The following MED13 variants were observed in gnomAD, a reference collection of about 807,000 sequenced individuals.
MED13 encodes the protein mediator of RNA polymerase II transcription subunit 13.
A neutral mutation model predicts 225.2 loss-of-function variants in MED13; 23 were observed. The observed-to-expected ratio is 0.10, with a 90% CI of 0.07 to 0.14. The LOEUF is 0.14. Among genes scored for constraint, MED13 ranks in the 10% least tolerant of loss-of-function variants. The probability of loss-of-function intolerance (pLI) is 1.00; values close to 1 mark genes in which losing one functional copy is unlikely to be tolerated. For synonymous variants in MED13, 942 were observed against 889.2 expected (o/e 1.06, Z -1.06); for missense variants, 2,197 against 2,594.5 (o/e 0.85, Z 3.33).
At chr17:62,015,930 A>ATG (rs2080566247) in intron 8 of MED13, among the ~76,000 whole-genome samples, 1 of 6,658 alleles carries the variant, frequency 1.5e-4, no homozygotes, top group Non-Finnish European at 3.8e-4. Context: ...ATATATATAT[A>ATG]TATATATATA....
chr17:62,034,486 C>CAAAA (rs11291859), intron 4 of MED13, among the ~76,000 whole-genome samples: 1 of 96,356 alleles, frequency 1.0e-5, no homozygotes. Context: ...GACTTCATCT[C>CAAAA]AAAAAAAAAA....
intron 8 of MED13, among the ~76,000 whole-genome samples, chr17:62,023,829 C>T (rs2080673367): frequency 6.6e-6 from 1 of 152,060 alleles, no homozygotes; most frequent in African/African-American, 2.4e-5. Flanking sequence ...AAGAAATAAG[C>T]TAGATTTGTG....
chr17:62,032,113 T>C (rs1199951242), intron 5 of MED13, among the ~76,000 whole-genome samples: 1 of 151,786 alleles, frequency 6.6e-6, no homozygotes, highest in Non-Finnish European at 1.5e-5. Context: ...ACTGCTCTAG[T>C]AGTAATGGGT....
At chr17:62,022,349 T>C (rs916432090) in intron 8 of MED13, among the ~76,000 whole-genome samples, 10 of 151,902 alleles carry the variant, frequency 6.6e-5, no homozygotes, top group African/African-American at 2.4e-4. Flanking sequence ...GTTACAGCAG[T>C]ATTACTTTTT....
intron 8 of MED13, among the ~76,000 whole-genome samples, chr17:62,025,104 A>C (rs2080687959): frequency 6.6e-6 from 1 of 152,134 alleles, no homozygotes; most frequent in South Asian, 2.1e-4. Context: ...CTTACATTTA[A>C]GCATTCTTTT....
intron 3 of MED13, among the ~76,000 whole-genome samples, chr17:62,047,452 G>C (rs955923447): frequency 3.9e-5 from 6 of 152,072 alleles, no homozygotes; most frequent in South Asian, 2.1e-4. Flanking sequence ...ACTAACACAA[G>C]AACAGAAAAC....
intron 3 of MED13, among the ~76,000 whole-genome samples, chr17:62,048,383 A>G (rs1046997484): frequency 1.5e-5 from 2 of 137,134 alleles, no homozygotes; most frequent in Non-Finnish European, 3.1e-5. Context: ...CCAGCCTGAC[A>G]GAGTGAGACT....
At chr17:62,001,521 CAT>C in intron 9 of MED13, among the ~76,000 whole-genome samples, 1 of 152,142 alleles carries the variant, frequency 6.6e-6, no homozygotes, top group Non-Finnish European at 1.5e-5. Context: ...ATAGTCCCTC[CAT>C]CATCTCAAGG....
intron 8 of MED13, among the ~76,000 whole-genome samples, chr17:62,016,997 T>C (rs894753956): frequency 6.6e-6 from 1 of 151,168 alleles, no homozygotes; most frequent in African/African-American, 2.4e-5. Context: ...GGTGACAGAA[T>C]GAGACTCCAC....
At chr17:61,963,430 T>C (rs1236096716) in intron 20 of MED13, among the ~76,000 whole-genome samples, 1 of 151,958 alleles carries the variant, frequency 6.6e-6, no homozygotes, top group South Asian at 2.1e-4. Context: ...TTATTTAATG[T>C]TCTAGTACAT....
At chr17:61,981,688 T>C (rs1185508504) in intron 16 of MED13, among the ~76,000 whole-genome samples, 3 of 152,220 alleles carry the variant, frequency 2.0e-5, no homozygotes, top group African/African-American at 7.2e-5. Context: ...TGACCATACA[T>C]CTAAAATAGT....
At chr17:62,063,391 T>G (rs1312335208) in intron 1 of MED13, 90 bp from the exon 2 acceptor site, 2 of 838,752 alleles carry the variant, frequency 2.4e-6, no homozygotes, top group Admixed American at 5.1e-5. Context: ...CATTAAGACA[T>G]TACAATTTTT....
rs1162949815 is a variant in MED13 at position 61,995,106 on chromosome 17, C to A, written c.2181+46G>T. 12 of 1,314,704 alleles carry A rather than the reference C, an allele frequency of 9.1e-6. No individual in the cohort carries two copies. The African/African-American group carries it at 1.7e-4, about 19-fold the overall frequency. The allele number at this position is 1,314,704 out of a possible 1,614,324, so 81.4% of individuals were successfully genotyped here. On this transcript the variant is annotated intron_variant, in intron 10 of 29. Coordinates refer to ENST00000397786, the MANE Select transcript of MED13 (RefSeq NM_005121.3). ...AGTAAGAGTGTTACTATATGCAGTG[C>A]TACAAAATCAACAGTGACCCTTTGG...
At chr17:61,974,779 G>A (rs1205905878) in intron 16 of MED13, among the ~76,000 whole-genome samples, 1 of 151,964 alleles carries the variant, frequency 6.6e-6, no homozygotes, top group Non-Finnish European at 1.5e-5. Flanking sequence ...AAAAAATTCA[G>A]AATGGATCAG....
At chr17:62,029,786 G>A in intron 7 of MED13, 65 bp downstream of exon 7, 1 of 1,524,710 alleles carries the variant, frequency 6.6e-7, no homozygotes, top group East Asian at 2.3e-5. Context: ...TTATACTTTA[G>A]ATATCTTCTA....
chr17:61,988,147 C>T (rs2080264385), intron 11 of MED13, among the ~76,000 whole-genome samples: 1 of 152,124 alleles, frequency 6.6e-6, no homozygotes, highest in South Asian at 2.1e-4. Context: ...CCACCACTAA[C>T]AGTATGACCC....
chr17:61,971,771 TAA>T (rs1472224448), intron 17 of MED13, among the ~76,000 whole-genome samples: 1 of 151,848 alleles, frequency 6.6e-6, no homozygotes, highest in Non-Finnish European at 1.5e-5. Context: ...CTGTCTCTAC[TAA>T]AAGTAAAAAA....
Position 61,953,271 on chromosome 17 carries a change from C to T in MED13, c.5969-158G>A, listed in dbSNP as rs1026394953. Among the ~76,000 whole-genome samples, 6 of 152,176 alleles carry T rather than the reference C, an allele frequency of 3.9e-5. No homozygotes were observed. In the South Asian group the frequency reaches 8.3e-4, roughly 21 times the overall value. On this transcript the variant is annotated intron_variant, in intron 26 of 29. Transcript: ENST00000397786. ...ATGTGCCAAGTATTGTGCTAAAAGC[C>T]GTACAAATAATTATGCATAAACAAG...
chr17:61,968,383 T>A, intron 17 of MED13, 125 bp from the exon 18 acceptor site: 1 of 664,974 alleles, frequency 1.5e-6, no homozygotes, highest in Non-Finnish European at 2.2e-6. Context: ...TGGAGTGCAG[T>A]GGCGCCATCT....
Sources: allele counts gnomAD v4.1 joint callset (sites outside exome capture counted in the v4.1 genomes callset), GRCh38; gene constraint gnomAD v4.1.1; transcripts MANE v1.5; gene names NCBI Gene and HGNC (gene_info 2026-07-23, HGNC 2026-07-21).